Variants in SESN1 observed in about 807,000 individuals in gnomAD.
SESN1 encodes the protein sestrin 1.
SESN1 carries 30 observed loss-of-function variants against 59.3 expected under a neutral mutation model. The observed-to-expected ratio is 0.51, with a 90% CI of 0.38 to 0.69. The LOEUF (loss-of-function observed/expected upper bound fraction) is 0.69. Among genes scored for constraint, SESN1 ranks in the 30% least tolerant of loss-of-function variants. The pLI is 0.00. For synonymous variants in SESN1, 197 were observed against 219.9 expected, an observed-to-expected ratio of 0.90 and a Z score of 0.92; for missense variants, 566 against 673.0, an observed-to-expected ratio of 0.84 and a Z score of 1.76.
In SESN1 at chr6:108,990,722, C is replaced by T. The variant is rs1206545392; in HGVS notation, c.1347G>A (p.Met449Ile). The part of the protein sequence containing the change: ...HIAYNLTYNT[M>I]AMHKDVDTSM... ...AGGTATCAACATCTTTGTGCATTGCCATTGTATTATAAGTAAGATTGTAAG... is the reference window on the plus strand; with the variant it reads ...AGGTATCAACATCTTTGTGCATTGCTATTGTATTATAAGTAAGATTGTAAG... The change falls in exon 8 of 10, where the codon ATG becomes ATA. Residue 449 changes from methionine (M) to isoleucine (I), a missense_variant. By Grantham distance (10) the Met-to-Ile change is conservative. Coordinates refer to ENST00000436639, the MANE Select transcript of SESN1 (RefSeq NM_014454.3). 6 of 1,614,032 alleles carry T rather than the reference C, an allele frequency of 3.7e-6. No individual in the cohort carries two copies. The highest frequency in any genetic ancestry group is 1.7e-5 in the Admixed American group (1 of 60,020).
intron 1 of SESN1, chr6:109,009,540 A>G (rs1313495387): frequency 4.3e-5 from 48 of 1,127,008 alleles, no homozygotes; most frequent in Non-Finnish European, 4.9e-5. Flanking sequence ...GCAGCGCCTC[A>G]GTCAGCACGG....
At chr6:109,089,240 GAA>G (rs1217607076) in intron 1 of SESN1, among the ~76,000 whole-genome samples, 1 of 152,284 alleles carries the variant, frequency 6.6e-6, no homozygotes, top group Non-Finnish European at 1.5e-5. Flanking sequence ...ATGAATAACA[GAA>G]AGCATTATGG....
At chr6:109,072,763 G>T (rs1490360250) in intron 1 of SESN1, among the ~76,000 whole-genome samples, 2 of 152,054 alleles carry the variant, frequency 1.3e-5, no homozygotes, top group Non-Finnish European at 2.9e-5. Context: ...AATTCAAGGA[G>T]TTTAAAGTAA....
intron 1 of SESN1, among the ~76,000 whole-genome samples, chr6:109,054,066 C>A (rs1380502696): frequency 1.3e-5 from 2 of 151,236 alleles, no homozygotes; most frequent in East Asian, 3.9e-4. Context: ...CATTTCTTTT[C>A]GTTTTTTCTT....
intron 1 of SESN1, among the ~76,000 whole-genome samples, chr6:109,067,555 TTTGTG>T (rs1459277773): frequency 3.9e-5 from 6 of 152,226 alleles, no homozygotes; most frequent in African/African-American, 1.4e-4. Context: ...TGGCTATAGC[TTTGTG>T]TTATTACCTC....
chr6:109,062,024 T>C (rs1780741383), intron 1 of SESN1, among the ~76,000 whole-genome samples: 1 of 152,108 alleles, frequency 6.6e-6, no homozygotes, highest in South Asian at 2.1e-4. Flanking sequence ...AGGGAAGCCC[T>C]AGAAGGCTTT....
rs545417922 is a variant in SESN1, at chr6:109,082,449, G to C, written c.279+11346C>G. ...TTGCCCAGTCACACAGTTTGGCAGA[G>C]CAGGACTTAAACCCGGTCTGACTAA... On this transcript the variant is annotated intron_variant, in intron 1 of 9. Coordinates refer to ENST00000436639, the MANE Select transcript of SESN1 (RefSeq NM_014454.3). Among the ~76,000 whole-genome samples the C allele has an allele frequency of 4.6e-5, 7 of 152,290 alleles. No homozygotes were observed. The South Asian group carries it at 1.2e-3, about 27-fold the overall frequency.
intron 1 of SESN1, among the ~76,000 whole-genome samples, chr6:109,092,057 G>A (rs1045573172): frequency 6.6e-6 from 1 of 152,154 alleles, no homozygotes; most frequent in African/African-American, 2.4e-5. Context: ...AATAGATGCA[G>A]AGATGGAAAA....
At chr6:108,991,078 AC>A (rs747372800) in intron 7 of SESN1, among the ~76,000 whole-genome samples, 11,282 of 149,278 alleles carry the variant, frequency 0.076, 584 homozygotes, top group South Asian at 0.16. Context: ...AAAAAAAACA[AC>A]AACAAAAAAA....
chr6:108,985,755 A>G lies in SESN1; in HGVS notation c.*1789T>C, dbSNP rs1779166166. Among the ~76,000 whole-genome samples, 1 of 152,170 alleles carries G rather than the reference A, an allele frequency of 6.6e-6. No homozygotes were observed. The highest frequency in any genetic ancestry group is 1.5e-5 in the Non-Finnish European group (1 of 68,016). On this transcript the variant is annotated 3_prime_UTR_variant, in exon 10 of 10. Transcript: ENST00000436639. ...CAGAAATGGGATAAGTAAAATTTTA[A>G]CTATCTTCTTGGGTTCAATTGTATT... is the stretch of plus-strand genomic sequence containing the variant.
chr6:109,068,721 C>CTTTT lies in SESN1; in HGVS notation c.279+25070_279+25073dup, dbSNP rs752278370. Among the ~76,000 whole-genome samples, 659 of 133,490 alleles carry CTTTT rather than the reference C, an allele frequency of 4.9e-3. 6 individuals carry two copies. Among genetic ancestry groups the CTTTT allele is most frequent in the African/African-American group, 0.017 (624 of 36,348 alleles). The allele number at this position is 133,490 out of a possible 152,430, so 87.6% of individuals were successfully genotyped here. ...ACATACACCAGTGAAATTTCCTGGGCTTTTTTTTTTTTTTTTGAGGCAGAG... is the reference window on the plus strand; with the variant it reads ...ACATACACCAGTGAAATTTCCTGGGCTTTTTTTTTTTTTTTTTTTTGAGGCAGAG... On this transcript the variant is annotated intron_variant, in intron 1 of 9. Transcript: ENST00000436639.
chr6:109,017,898 G>T (rs181605304), intron 1 of SESN1, among the ~76,000 whole-genome samples: 2 of 152,218 alleles, frequency 1.3e-5, no homozygotes, highest in East Asian at 1.9e-4. Flanking sequence ...AGGCACAGTG[G>T]CTCAATGCCT....
At position 108,998,656 on chromosome 6, in the gene SESN1, CGA is replaced by C. The variant is rs1458291743; in HGVS notation, c.827_828del (p.Phe276TrpfsTer11). 2 of 1,613,538 alleles carry C rather than the reference CGA, an allele frequency of 1.2e-6. No individual in the cohort carries two copies. Among genetic ancestry groups the C allele is most frequent in the Non-Finnish European group, 1.7e-6 (2 of 1,179,830 alleles). On this transcript the variant is annotated frameshift_variant, in exon 5 of 10. Transcript: ENST00000436639. LOFTEE classifies it high-confidence loss of function. ...TGAATTTCTGGACTGATTCCACAGC[CGA>C]ATGTGAATGAGGCAAGAGAATGATA... is the stretch of plus-strand genomic sequence containing the variant. The part of the protein sequence containing the change: ...THYHSLASFT[F>X]GCGISPEIHC...
At chr6:109,021,278 G>T (rs780305282) in intron 1 of SESN1, among the ~76,000 whole-genome samples, 2 of 152,070 alleles carry the variant, frequency 1.3e-5, no homozygotes, top group African/African-American at 4.8e-5. Flanking sequence ...CCACCTTGCC[G>T]AGCCCACCAT....
intron 1 of SESN1, among the ~76,000 whole-genome samples, chr6:109,088,754 G>C (rs1351375045): frequency 1.3e-5 from 2 of 152,266 alleles, no homozygotes; most frequent in Middle Eastern, 3.4e-3. Context: ...TTCACCAGTA[G>C]ACTATATTAG....
At chr6:109,027,093 C>T (rs1780107003) in intron 1 of SESN1, among the ~76,000 whole-genome samples, 1 of 152,120 alleles carries the variant, frequency 6.6e-6, no homozygotes, top group South Asian at 2.1e-4. Flanking sequence ...TCGCTTGAAT[C>T]TGGGAGGTGT....
chr6:109,019,462 T>C (rs1779975751), intron 1 of SESN1, among the ~76,000 whole-genome samples: 1 of 152,236 alleles, frequency 6.6e-6, no homozygotes, highest in African/African-American at 2.4e-5. Context: ...TTCATGTTTC[T>C]CTACTGAATT....
At chr6:109,037,153 A>C (rs1422010610) in intron 1 of SESN1, among the ~76,000 whole-genome samples, 2 of 152,216 alleles carry the variant, frequency 1.3e-5, no homozygotes, top group Admixed American at 1.3e-4. Context: ...CAGAAAAACA[A>C]GTTACCTCAC....
intron 1 of SESN1, among the ~76,000 whole-genome samples, chr6:109,045,618 C>T (rs970202871): frequency 2.0e-5 from 3 of 152,212 alleles, no homozygotes; most frequent in African/African-American, 7.2e-5. Flanking sequence ...CAACTGGCCT[C>T]TCCTTAGTCA....
Sources: allele counts gnomAD v4.1 joint callset (sites outside exome capture counted in the v4.1 genomes callset), GRCh38; gene constraint gnomAD v4.1.1; transcripts MANE v1.5; gene names NCBI Gene and HGNC (gene_info 2026-07-23, HGNC 2026-07-21).